Variants in NCALD observed in about 807,000 individuals in gnomAD.
NCALD encodes neurocalcin delta.
Under a neutral mutation model 18.6 loss-of-function variants are expected in NCALD, and 10 were observed. That is an observed-to-expected ratio of 0.54 (90% CI 0.33 to 0.91). NCALD has a LOEUF of 0.91. Ranked by LOEUF, NCALD falls within the 40% of genes least tolerant of loss-of-function variation. The probability of loss-of-function intolerance (pLI) is 0.03; values close to 1 mark genes in which losing one functional copy is unlikely to be tolerated. For synonymous variants in NCALD, 88 were observed against 87.4 expected (o/e 1.01, Z -0.04); for missense variants, 184 against 247.6 (o/e 0.74, Z 1.72).
chr8:101,841,331 A>G (rs2131290439), intron 4 of NCALD, among the ~76,000 whole-genome samples: 1 of 152,226 alleles, frequency 6.6e-6, no homozygotes, highest in Non-Finnish European at 1.5e-5. Context: ...TCCATGACAA[A>G]CACCCCTTGC....
At chr8:102,076,524 A>G (rs1474160458) in intron 1 of NCALD, among the ~76,000 whole-genome samples, 1 of 146,936 alleles carries the variant, frequency 6.8e-6, no homozygotes, top group Non-Finnish European at 1.5e-5. Context: ...CAATCATGGG[A>G]GTGAAAAAGT....
At chr8:102,015,812 G>A (rs943687817) in intron 2 of NCALD, among the ~76,000 whole-genome samples, 5 of 152,090 alleles carry the variant, frequency 3.3e-5, no homozygotes, top group African/African-American at 4.8e-5. Flanking sequence ...CAGCTAAAAT[G>A]TTAATGAATT....
intron 1 of NCALD, among the ~76,000 whole-genome samples, chr8:101,731,399 A>C (rs1333447774): frequency 6.6e-6 from 1 of 152,188 alleles, no homozygotes; most frequent in East Asian, 1.9e-4. Context: ...TCTTTGCAGT[A>C]AATTCTCCAA....
At chr8:101,781,183 AAT>A (rs10566430) in intron 1 of NCALD, among the ~76,000 whole-genome samples, 121,733 of 151,556 alleles carry the variant, frequency 0.8, 48,957 homozygotes, top group African/African-American at 0.85. Flanking sequence ...AATATACCAA[AAT>A]ATATATATAT....
At chr8:101,870,822 G>A (rs1815974430) in intron 4 of NCALD, among the ~76,000 whole-genome samples, 1 of 151,622 alleles carries the variant, frequency 6.6e-6, no homozygotes, top group African/African-American at 2.4e-5. Context: ...AAATAAAGAG[G>A]GAATGAGGAA....
chr8:102,121,357 G>A (rs192645822), intron 1 of NCALD, among the ~76,000 whole-genome samples: 8 of 152,206 alleles, frequency 5.3e-5, no homozygotes, highest in Admixed American at 4.6e-4. Context: ...TTATCTTCCC[G>A]TGCAACTTCC....
intron 2 of NCALD, among the ~76,000 whole-genome samples, chr8:101,704,907 G>A (rs927899157): frequency 5.5e-5 from 8 of 145,540 alleles, no homozygotes; most frequent in Admixed American, 1.4e-4. Context: ...CGACAAGAGC[G>A]AAAACTCCGT....
chr8:101,765,319 TC>T (rs1215128033), intron 1 of NCALD, among the ~76,000 whole-genome samples: 1 of 152,160 alleles, frequency 6.6e-6, no homozygotes, highest in Non-Finnish European at 1.5e-5. Flanking sequence ...TATTTGCTGT[TC>T]CTGCAGTTGC....
intron 1 of NCALD, among the ~76,000 whole-genome samples, chr8:102,121,532 T>C (rs1397100740): frequency 1.3e-5 from 2 of 152,236 alleles, no homozygotes; most frequent in African/African-American, 2.4e-5. Context: ...TGAGGGATGC[T>C]ATACATAATT....
intron 1 of NCALD, among the ~76,000 whole-genome samples, chr8:102,058,792 A>G (rs1174656496): frequency 1.3e-5 from 2 of 152,222 alleles, no homozygotes; most frequent in African/African-American, 4.8e-5. Context: ...AGTTATAATT[A>G]AGATAAATGA....
chr8:101,732,386 T>C (rs1052394652), intron 1 of NCALD, among the ~76,000 whole-genome samples: 10 of 152,056 alleles, frequency 6.6e-5, no homozygotes, highest in Non-Finnish European at 2.9e-5. Context: ...AGGCCACAAA[T>C]TCATTCGGTA....
intron 2 of NCALD, among the ~76,000 whole-genome samples, chr8:101,940,667 A>G (rs1000008228): frequency 4.4e-4 from 67 of 152,238 alleles, no homozygotes; most frequent in Admixed American, 2.0e-4. Flanking sequence ...AAGCCAACAG[A>G]CAACCTAAAC....
intron 2 of NCALD, among the ~76,000 whole-genome samples, chr8:101,972,976 C>G (rs771864932): frequency 2.0e-5 from 3 of 152,048 alleles, no homozygotes; most frequent in Non-Finnish European, 4.4e-5. Flanking sequence ...AACAAAGAGC[C>G]CCTAAAGTGC....
At chr8:101,731,023 T>C (rs1816806950) in intron 1 of NCALD, among the ~76,000 whole-genome samples, 1 of 152,092 alleles carries the variant, frequency 6.6e-6, no homozygotes, top group South Asian at 2.1e-4. Flanking sequence ...GTCGGAGTTT[T>C]GAATCAGAAG....
chr8:101,943,431 T>C (rs1283041429), intron 2 of NCALD, among the ~76,000 whole-genome samples: 1 of 152,228 alleles, frequency 6.6e-6, no homozygotes, highest in African/African-American at 2.4e-5. Context: ...ATCAGGAACC[T>C]CATTGACAGA....
At chr8:101,781,875 C>G (rs931995420) in intron 1 of NCALD, among the ~76,000 whole-genome samples, 2 of 151,738 alleles carry the variant, frequency 1.3e-5, no homozygotes, top group African/African-American at 4.8e-5. Context: ...ATGGCATGCT[C>G]TGGTTAAGAA....
chr8:101,765,703 C>T (rs181204777), intron 1 of NCALD, among the ~76,000 whole-genome samples: 27 of 152,180 alleles, frequency 1.8e-4, no homozygotes, highest in Non-Finnish European at 2.9e-4. Context: ...TGGCAGGGAC[C>T]GCAACAGCGA....
intron 4 of NCALD, among the ~76,000 whole-genome samples, chr8:101,869,225 A>G (rs1008969137): frequency 3.3e-5 from 5 of 152,226 alleles, no homozygotes; most frequent in African/African-American, 1.2e-4. Flanking sequence ...CAGGATGGGA[A>G]GTTTATCCTG....
chr8:101,975,127 AAGG>A (rs1820375072), intron 2 of NCALD: 1 of 152,198 alleles, frequency 6.6e-6, no homozygotes, highest in Non-Finnish European at 1.5e-5. Context: ...CTTTGGCTCT[AAGG>A]GGATCAAATA....
Sources: allele counts gnomAD v4.1 joint callset (sites outside exome capture counted in the v4.1 genomes callset), GRCh38; gene constraint gnomAD v4.1.1; transcripts MANE v1.5; gene names NCBI Gene and HGNC (gene_info 2026-07-23, HGNC 2026-07-21).